The following BRD10 variants were observed in gnomAD, a reference collection of about 807,000 sequenced individuals.
The protein encoded by BRD10 is bromodomain containing 10, also known as uncharacterized bromodomain-containing protein 10.
chr9:5,993,457 T>C, the BRD10 span, among the ~76,000 whole-genome samples: 3 of 152,198 alleles, frequency 2.0e-5, no homozygotes, highest in East Asian at 5.8e-4. Flanking sequence ...GTGATGTTTA[T>C]TTAATGAAGG....
At chr9:5,928,804 T>C in the BRD10 span, among the ~76,000 whole-genome samples, 36 of 151,250 alleles carry the variant, frequency 2.4e-4, no homozygotes, top group Admixed American at 2.1e-3. Flanking sequence ...GCACTTTTTT[T>C]TGCCATCTGA....
chr9:6,002,789 G>A, the BRD10 span, among the ~76,000 whole-genome samples: 10 of 151,044 alleles, frequency 6.6e-5, no homozygotes, highest in South Asian at 4.2e-4. Context: ...TGATTCTCAT[G>A]CCTCAGCCTC....
the BRD10 span, among the ~76,000 whole-genome samples, chr9:5,964,851 A>G: frequency 8.3e-6 from 1 of 119,904 alleles, no homozygotes; most frequent in East Asian, 2.5e-4. Context: ...GTGGGAATTG[A>G]ACAATGAGAT....
chr9:5,923,071 A>T, the BRD10 span: 5 of 1,613,960 alleles, frequency 3.1e-6, no homozygotes, highest in Non-Finnish European at 4.2e-6. Context: ...GCTTTGATTC[A>T]CTGAAACAGT....
At chr9:5,894,748 T>C in the BRD10 span, among the ~76,000 whole-genome samples, 2 of 152,140 alleles carry the variant, frequency 1.3e-5, no homozygotes, top group African/African-American at 2.4e-5. This position sits in a 1 kb window ranked among gnomAD's most constrained non-coding sequence, Gnocchi z 4.0. Context: ...CTGCTCCTTC[T>C]TGATGCCCCA....
chr9:5,950,271 T>C, the BRD10 span, among the ~76,000 whole-genome samples: 1 of 152,264 alleles, frequency 6.6e-6, no homozygotes, highest in Admixed American at 6.5e-5. Context: ...TTTAATTGAT[T>C]TTCCTATTCA....
the BRD10 span, among the ~76,000 whole-genome samples, chr9:5,969,784 G>T: frequency 6.6e-6 from 1 of 152,170 alleles, no homozygotes; most frequent in Non-Finnish European, 1.5e-5. Flanking sequence ...GACCTCAGGT[G>T]ATCCGCCTGC....
chr9:6,007,154 G>A, the BRD10 span: 1 of 1,578,906 alleles, frequency 6.3e-7, no homozygotes, highest in Admixed American at 1.7e-5. Flanking sequence ...GTGTGTGTTT[G>A]TGTCAGTCTG....
the BRD10 span, among the ~76,000 whole-genome samples, chr9:5,927,498 A>C: frequency 6.6e-6 from 1 of 152,170 alleles, no homozygotes. Context: ...TCCACCTTAT[A>C]GCAAAACTCC....
the BRD10 span, among the ~76,000 whole-genome samples, chr9:5,886,414 G>A: frequency 6.6e-6 from 1 of 152,340 alleles, no homozygotes; most frequent in East Asian, 1.9e-4. Context: ...GGCGTATTCT[G>A]TGCCACGTGC....
At chr9:5,920,153 T>C in the BRD10 span, 41 of 1,613,878 alleles carry the variant, frequency 2.5e-5, no homozygotes, top group Non-Finnish European at 3.4e-5. Context: ...TAAGGAATTA[T>C]TTGATGCTAG....
chr9:5,995,484 G>A, the BRD10 span, among the ~76,000 whole-genome samples: 2 of 152,178 alleles, frequency 1.3e-5, no homozygotes, highest in African/African-American at 4.8e-5. Context: ...TCTGTTAGCT[G>A]CTTTAGCATA....
the BRD10 span, among the ~76,000 whole-genome samples, chr9:5,902,770 G>A: frequency 1.3e-5 from 2 of 151,754 alleles, no homozygotes; most frequent in Non-Finnish European, 2.9e-5. Context: ...CCCTCCCAAA[G>A]TACTGGCATT....
the BRD10 span, among the ~76,000 whole-genome samples, chr9:5,980,871 C>T: frequency 1.6e-4 from 24 of 152,192 alleles, no homozygotes; most frequent in African/African-American, 4.3e-4. Context: ...TTTTAACCTA[C>T]GTAACAAAAT....
chr9:5,951,982 T>G, the BRD10 span, among the ~76,000 whole-genome samples: 1 of 150,546 alleles, frequency 6.6e-6, no homozygotes, highest in Non-Finnish European at 1.5e-5. Flanking sequence ...CTAGGACACC[T>G]TGAGAACCAG....
chr9:5,922,837 G>C, the BRD10 span: 23 of 1,613,874 alleles, frequency 1.4e-5, no homozygotes, highest in Admixed American at 3.2e-4. Flanking sequence ...TGGTGTGGCA[G>C]GTCAATGCTG....
the BRD10 span, among the ~76,000 whole-genome samples, chr9:5,886,725 G>A: frequency 6.6e-6 from 1 of 152,208 alleles, no homozygotes; most frequent in Non-Finnish European, 1.5e-5. Flanking sequence ...CCCAAGGCCG[G>A]CTCAAAAACA....
chr9:5,921,096 G>C, the BRD10 span: 15 of 1,613,710 alleles, frequency 9.3e-6, no homozygotes, highest in Admixed American at 2.5e-4. Flanking sequence ...GTAATATTCT[G>C]ACTCACAAAA....
the BRD10 span, among the ~76,000 whole-genome samples, chr9:5,977,289 G>A: frequency 6.6e-6 from 1 of 152,158 alleles, no homozygotes; most frequent in Admixed American, 6.5e-5. Flanking sequence ...CCTTTCAGGG[G>A]AGGATTATGG....
Sources: gnomAD v4.1 joint callset for allele counts (sites outside exome capture counted in the v4.1 genomes callset) on GRCh38, gnomAD v4.1.1 for gene constraint, Gnocchi (gnomAD v3.1) non-coding constraint, MANE v1.5 for transcripts, NCBI Gene and HGNC (gene_info 2026-07-23, HGNC 2026-07-21) for gene names.